MLLT6: variants seen among roughly 807,000 people sequenced by gnomAD.
The protein encoded by MLLT6 is protein AF-17.
A neutral mutation model predicts 103.0 loss-of-function variants in MLLT6; 22 were observed. That is an observed-to-expected ratio of 0.21 (90% CI 0.15 to 0.31). The LOEUF (loss-of-function observed/expected upper bound fraction) is 0.31, where lower values mean the gene tolerates loss of function less well. Ranked by LOEUF, MLLT6 falls within the 10% of genes least tolerant of loss-of-function variation. The pLI is 1.00. For missense variants in MLLT6, 1,199 were observed against 1,441.7 expected, an observed-to-expected ratio of 0.83 and a Z score of 2.73; for synonymous variants, 606 against 623.5, an observed-to-expected ratio of 0.97 and a Z score of 0.42.
chr17:38,707,086 T>A lies in MLLT6; in HGVS notation c.189+57T>A, dbSNP rs367912190. 233 of 1,500,554 alleles carry A rather than the reference T, an allele frequency of 1.6e-4. No homozygotes were observed. In the African/African-American group the frequency reaches 2.8e-3, roughly 18 times the overall value. 93.0% of individuals were successfully genotyped at this position (1,500,554 alleles called of 1,614,324 possible). On this transcript the variant is annotated intron_variant, in intron 2 of 19. Transcript: ENST00000621332. The stretch of plus-strand genomic sequence containing the variant: ...TGCCCCTCCCACACACCTGAGCGTC[T>A]CAGGTTGAGCTAGGGGACTCTGAGG...
At chr17:38,712,973 A>C in intron 8 of MLLT6, 184 bp downstream of exon 8, 1 of 769,442 alleles carries the variant, frequency 1.3e-6, no homozygotes, top group Non-Finnish European at 2.4e-6. Flanking sequence ...GCCACCAATC[A>C]CCGACCAACC....
Position 38,724,519 on chromosome 17 carries a change from T to G in MLLT6, c.2884-101T>G. 1 of 851,212 alleles carries G rather than the reference T, an allele frequency of 1.2e-6. No homozygotes were observed. The highest frequency in any genetic ancestry group is 1.8e-6 in the Non-Finnish European group (1 of 550,094). The allele number at this position is 851,212 out of a possible 1,614,324, so 52.7% of individuals were successfully genotyped here. Reference sequence around the variant, plus strand: ...GTCTCACAGGCCTCTTGCCTCCTGATTCCAGTGTGATGGGGTGGGGCCTGG... The same window carrying G: ...GTCTCACAGGCCTCTTGCCTCCTGAGTCCAGTGTGATGGGGTGGGGCCTGG... On this transcript the variant is annotated intron_variant, in intron 18 of 19. Coordinates refer to ENST00000621332, the MANE Select transcript of MLLT6 (RefSeq NM_005937.4). This position sits in a 1 kb window ranked among gnomAD's most constrained non-coding sequence, Gnocchi z 5.4.
chr17:38,706,838 C>T, intron 1 of MLLT6, 112 bp from the exon 2 acceptor site: 1 of 796,924 alleles, frequency 1.3e-6, no homozygotes. Flanking sequence ...GGGAGCAGCC[C>T]CCACTGCTGG....
At position 38,719,969 on chromosome 17, in the gene MLLT6, A is replaced by G. The variant is rs796376941; in HGVS notation, c.2155+74A>G. ...GTCACCTTTCTCCCCGAGGTCCCCA[A>G]GCTTCTTTAAGGTTCCGCCCTTAGG... On this transcript the variant is annotated intron_variant, in intron 14 of 19. Coordinates refer to ENST00000621332, the MANE Select transcript of MLLT6 (RefSeq NM_005937.4). The G allele has an allele frequency of 2.7e-6, 4 of 1,477,932 alleles. No homozygotes were observed. The African/African-American group carries it at 4.2e-5, about 16-fold the overall frequency. The allele number at this position is 1,477,932 out of a possible 1,614,324, so 91.6% of individuals were successfully genotyped here.
chr17:38,710,315 C>G (rs1322372662), intron 6 of MLLT6, among the ~76,000 whole-genome samples: 2 of 152,060 alleles, frequency 1.3e-5, no homozygotes, highest in Non-Finnish European at 2.9e-5. Flanking sequence ...TACTCTGTGT[C>G]TGTGTTTGTG....
intron 7 of MLLT6, among the ~76,000 whole-genome samples, chr17:38,712,364 G>A (rs761277003): frequency 5.3e-5 from 8 of 152,202 alleles, no homozygotes; most frequent in Non-Finnish European, 8.8e-5. Flanking sequence ...ATAGCACAGC[G>A]TGCCCAGCTC....
At chr17:38,708,722 C>A (rs975651068) in intron 4 of MLLT6, among the ~76,000 whole-genome samples, 1 of 151,976 alleles carries the variant, frequency 6.6e-6, no homozygotes, top group Non-Finnish European at 1.5e-5. Context: ...ATGATGAGAC[C>A]CCATCTCTAG....
chr17:38,715,656 G>T lies in MLLT6; in HGVS notation c.864G>T (p.Thr288=). 6.2e-7 allele frequency: 1 copy of T among 1,613,972 alleles called. No individual in the cohort carries two copies. Among genetic ancestry groups the T allele is most frequent in the Non-Finnish European group, 8.5e-7 (1 of 1,179,994 alleles). The change falls in exon 9 of 20, where the codon ACG becomes ACT. Residue 288 remains threonine, a synonymous_variant. Coordinates refer to ENST00000621332, the MANE Select transcript of MLLT6 (RefSeq NM_005937.4). Reference sequence around the variant, plus strand: ...CTTCCTCCCACCACGAGGCCAGCACGCAGGAGACCTCTGAGAGCAGCAGGG... The same window carrying T: ...CTTCCTCCCACCACGAGGCCAGCACTCAGGAGACCTCTGAGAGCAGCAGGG... ...ASSSSHHEAS[T]QETSESSRES...
At chr17:38,712,107 G>T in intron 7 of MLLT6, 93 bp downstream of exon 7, 3 of 1,405,020 alleles carry the variant, frequency 2.1e-6, no homozygotes, top group Non-Finnish European at 2.8e-6. Context: ...TGCCCTTAAG[G>T]TCTTGGCCCT....
In MLLT6 at chr17:38,724,859, A is replaced by G. The variant is rs1905938516; in HGVS notation, c.3123A>G (p.Ala1041=). The change falls in exon 19 of 20, where the codon GCA becomes GCG. Residue 1041 remains alanine, a synonymous_variant. Coordinates refer to ENST00000621332, the MANE Select transcript of MLLT6 (RefSeq NM_005937.4). This position sits in a 1 kb window ranked among gnomAD's most constrained non-coding sequence, Gnocchi z 5.4. Reference sequence around the variant, plus strand: ...GCAACAACACAAGTCTCATGGCCGCAGCAGCTGCAGCTGCAGCAGTAGCAG... The same window carrying G: ...GCAACAACACAAGTCTCATGGCCGCGGCAGCTGCAGCTGCAGCAGTAGCAG... ...SLGNNTSLMA[A]AAAAAAVAAA... 1 of 1,571,950 alleles carries G rather than the reference A, an allele frequency of 6.4e-7. No individual in the cohort carries two copies. The highest frequency in any genetic ancestry group is 1.4e-5 in the African/African-American group (1 of 73,710).
Position 38,705,471 on chromosome 17 carries a change from G to A in MLLT6, c.-162G>A, listed in dbSNP as rs1179188739. The stretch of plus-strand genomic sequence containing the variant: ...GCGAGGAGGAGGAGGAGGAGGACGC[G>A]GAGGAGGAGGAAGGAGGAGGCAAAG... On this transcript the variant is annotated 5_prime_UTR_variant, in exon 1 of 20. Coordinates refer to ENST00000621332, the MANE Select transcript of MLLT6 (RefSeq NM_005937.4). 1.3e-5 allele frequency: 6 copies of A among 447,712 alleles called. No individual in the cohort carries two copies. The highest frequency in any genetic ancestry group is 7.7e-5 in the East Asian group (2 of 26,002). The allele number at this position is 447,712 out of a possible 1,614,324, so 27.7% of individuals were successfully genotyped here.
chr17:38,705,782 C>G, intron 1 of MLLT6, 41 bp downstream of exon 1: 1 of 1,025,218 alleles, frequency 9.8e-7, no homozygotes. Context: ...ACCCCGGGGG[C>G]GGCGTGCGCG....
chr17:38,717,546 C>CCCG lies in MLLT6; in HGVS notation c.1769_1771dup (p.Arg590dup). 2 of 1,613,836 alleles carry CCCG rather than the reference C, an allele frequency of 1.2e-6. No homozygotes were observed. The highest frequency in any genetic ancestry group is 1.7e-6 in the Non-Finnish European group (2 of 1,179,916). On this transcript the variant is annotated inframe_insertion, in exon 11 of 20. Coordinates refer to ENST00000621332, the MANE Select transcript of MLLT6 (RefSeq NM_005937.4). ...GGGCCCCCAGGGACCTCGGCCCTGC[C>CCCG]CCGCCTCAGCCGCTCCCCGTTCACC...
At chr17:38,721,851 A>AC in intron 16 of MLLT6, 27 bp from the exon 17 acceptor site, 1 of 1,472,186 alleles carries the variant, frequency 6.8e-7, no homozygotes, top group Non-Finnish European at 9.1e-7. Context: ...TGGCCCTCTG[A>AC]CCCCTCCCTT....
In MLLT6 at chr17:38,726,153, C is replaced by T. The variant is rs1906019087; in HGVS notation, c.*555C>T. On this transcript the variant is annotated 3_prime_UTR_variant, in exon 20 of 20. Transcript: ENST00000621332. ...GGCACAAGCTGAGCTTGTAAAAGCC[C>T]ACAGATGTTGGGGGCTGGAGAAGGG... The T allele has an allele frequency of 4.3e-6, 1 of 233,876 alleles. No homozygotes were observed. Among genetic ancestry groups the T allele is most frequent in the Admixed American group, 5.6e-5 (1 of 17,780 alleles). The allele number at this position is 233,876 out of a possible 1,614,324, so 14.5% of individuals were successfully genotyped here.
rs761073830 is a variant in MLLT6 at position 38,725,544 on chromosome 17, CCT to C, written c.3241-8_3241-7del. Reference sequence around the variant, plus strand: ...ACTTTCCACACCCCCGGCCTCCCTCCCTCTCTTTCCAGACCGCTGACAAAGGA... The same window carrying C: ...ACTTTCCACACCCCCGGCCTCCCTCCCTCTTTCCAGACCGCTGACAAAGGA... On this transcript the variant is annotated splice_polypyrimidine_tract_variant and intron_variant, in intron 19 of 19. Transcript: ENST00000621332. 54 of 1,606,828 alleles carry C rather than the reference CCT, an allele frequency of 3.4e-5. No homozygotes were observed. In the East Asian group the frequency reaches 7.3e-4, roughly 22 times the overall value.
chr17:38,717,585 C>T lies in MLLT6; in HGVS notation c.1805C>T (p.Ser602Phe), dbSNP rs1475757805. 1.2e-6 allele frequency: 2 copies of T among 1,613,976 alleles called. No individual in the cohort carries two copies. The highest frequency in any genetic ancestry group is 2.2e-5 in the South Asian group (2 of 91,076). ...TCCCCGTTCACCAGCACCCTCCCCT[C>T]CTCTTCTGCTTCTATCTCCACCACT... ...SRSPFTSTLP[S>F]SSASISTTQV... Residue 602 changes from serine (S) to phenylalanine (F), a missense_variant, in exon 11 of 20, where the codon TCC becomes TTC. Ser to Phe is a radical substitution (Grantham distance 155, BLOSUM62 -2). Transcript: ENST00000621332.
At chr17:38,717,369 T>C in intron 10 of MLLT6, 63 bp from the exon 11 acceptor site, 1 of 1,383,360 alleles carries the variant, frequency 7.2e-7, no homozygotes, top group Non-Finnish European at 9.8e-7. Flanking sequence ...GTCAGCCACC[T>C]GGCTGAGCAG....
chr17:38,708,027 T>C lies in MLLT6; in HGVS notation c.354+155T>C, dbSNP rs79337462. On this transcript the variant is annotated intron_variant, in intron 4 of 19. Transcript: ENST00000621332. ...ACCTACCAGTGAACCACCCTTCTGT[T>C]GACAGACACACTCATGCTCTGGCAC... 2.8e-3 allele frequency: 1,714 copies of C among 617,340 alleles called. 32 individuals are homozygous for C. The African/African-American group carries it at 0.029, about 11-fold the overall frequency. 38.2% of individuals were successfully genotyped at this position (617,340 alleles called of 1,614,324 possible).
Sources: allele counts gnomAD v4.1 joint callset (sites outside exome capture counted in the v4.1 genomes callset), GRCh38; gene constraint gnomAD v4.1.1; non-coding constraint Gnocchi (gnomAD v3.1); transcripts MANE v1.5; gene names NCBI Gene and HGNC (gene_info 2026-07-23, HGNC 2026-07-21).